SF3A3: variants seen among roughly 807,000 people sequenced by gnomAD.
SF3A3 encodes splicing factor 3a subunit 3.
Under a neutral mutation model 85.8 loss-of-function variants are expected in SF3A3, and 9 were observed. That is an observed-to-expected ratio of 0.10 (90% confidence interval 0.06 to 0.18). The LOEUF is 0.18. Among genes scored for constraint, SF3A3 ranks in the 10% least tolerant of loss-of-function variants. The probability of loss-of-function intolerance (pLI) is 1.00; values close to 1 mark genes in which losing one functional copy is unlikely to be tolerated. For missense variants in SF3A3, 306 were observed against 593.3 expected, an observed-to-expected ratio of 0.52 and a Z score of 5.03; for synonymous variants, 195 against 204.4, an observed-to-expected ratio of 0.95 and a Z score of 0.39.
intron 15 of SF3A3, among the ~76,000 whole-genome samples, chr1:37,961,953 T>G (rs1376180776): frequency 6.6e-6 from 1 of 150,382 alleles, no homozygotes; most frequent in Non-Finnish European, 1.5e-5. Context: ...GGTGTGGTGG[T>G]GCATGCCTGT....
chr1:37,989,115 A>G (rs1344708105), intron 2 of SF3A3, among the ~76,000 whole-genome samples: 2 of 151,758 alleles, frequency 1.3e-5, no homozygotes, highest in Non-Finnish European at 2.9e-5. Context: ...CATGTTTAGT[A>G]GAAACTCCGT....
At position 37,989,914 on chromosome 1, in the gene SF3A3, G is replaced by T; in HGVS notation, c.52C>A (p.Leu18Ile). The change falls in exon 1 of 17, where the codon CTC becomes ATC. Residue 18 changes from leucine (L) to isoleucine (I), a missense_variant. Leu to Ile is a conservative substitution (Grantham distance 5). Transcript: ENST00000373019. ...QRRYHEEKER[L>I]MDVMAKEMLT... is the part of the protein sequence containing the mutation. The stretch of plus-strand genomic sequence containing the variant: ...ATCTCTTTAGCCATGACGTCCATGA[G>T]CCGTTCCTTCTCCTCATGATAGCGC... 1 of 1,613,716 alleles carries T rather than the reference G, an allele frequency of 6.2e-7. No homozygotes were observed.
At chr1:37,975,882 C>G (rs189173580) in intron 12 of SF3A3, among the ~76,000 whole-genome samples, 6 of 152,106 alleles carry the variant, frequency 3.9e-5, no homozygotes, top group African/African-American at 1.4e-4. Context: ...TTGGGCTGGG[C>G]GCGGTGGCTC....
chr1:37,987,896 A>C (rs1646467141), intron 2 of SF3A3, 60 bp from the exon 3 acceptor site: 1 of 1,397,088 alleles, frequency 7.2e-7, no homozygotes. Context: ...AGAGCTAAGC[A>C]AACAACAAGG....
At chr1:37,983,110 GTAT>G (rs1646431199) in intron 6 of SF3A3, among the ~76,000 whole-genome samples, 1 of 151,338 alleles carries the variant, frequency 6.6e-6, no homozygotes, top group Admixed American at 6.6e-5. Flanking sequence ...AGCTAATTTT[GTAT>G]TTTTAGTAGA....
In SF3A3 at chr1:37,979,585, G is replaced by A. The variant is rs777472247; in HGVS notation, c.691-52C>T. 14 of 1,404,786 alleles carry A rather than the reference G, an allele frequency of 1.0e-5. No individual in the cohort carries two copies. The East Asian group carries it at 1.4e-4, about 14-fold the overall frequency. 87.0% of individuals were successfully genotyped at this position (1,404,786 alleles called of 1,614,324 possible). ...AAGATCCAGGTTTAGGCCAGGTGTG[G>A]TGGCTCACACCTGTAATCTCAGCAT... On this transcript the variant is annotated intron_variant, in intron 8 of 16. Transcript: ENST00000373019.
At chr1:37,965,817 T>TAAC (rs1167028605) in intron 15 of SF3A3, among the ~76,000 whole-genome samples, 2 of 104,678 alleles carry the variant, frequency 1.9e-5, no homozygotes, top group African/African-American at 3.8e-5. Flanking sequence ...GCCTGTAATT[T>TAAC]AACAGTGGGG....
chr1:37,978,879 G>T, intron 10 of SF3A3, 52 bp from the exon 11 acceptor site: 1 of 1,566,062 alleles, frequency 6.4e-7, no homozygotes. Flanking sequence ...CACACAGGCT[G>T]GCTTATTTTT....
At chr1:37,984,068 C>T in intron 6 of SF3A3, 101 bp downstream of exon 6, 1 of 580,154 alleles carries the variant, frequency 1.7e-6, no homozygotes, top group Non-Finnish European at 3.1e-6. Flanking sequence ...TTTTAAAACA[C>T]AAGGAAGACA....
chr1:37,959,923 A>C (rs1008477965), intron 16 of SF3A3, among the ~76,000 whole-genome samples, 197 bp downstream of exon 16: 1 of 142,282 alleles, frequency 7.0e-6, no homozygotes. Context: ...GCACCACTGC[A>C]CTCCAGCCCG....
chr1:37,972,826 A>C (rs559721755), intron 12 of SF3A3, among the ~76,000 whole-genome samples: 2 of 152,232 alleles, frequency 1.3e-5, no homozygotes, highest in Non-Finnish European at 2.9e-5. Context: ...ACATATGTAG[A>C]AAGCTGAAAC....
chr1:37,975,017 A>G (rs1012945206), intron 12 of SF3A3, among the ~76,000 whole-genome samples: 1 of 152,156 alleles, frequency 6.6e-6, no homozygotes, highest in African/African-American at 2.4e-5. Flanking sequence ...CTAACCACAA[A>G]ATGAGTTTCT....
At position 37,958,157 on chromosome 1, in the gene SF3A3, G is replaced by A. The variant is rs748991490; in HGVS notation, c.*29C>T. 3 of 1,470,398 alleles carry A rather than the reference G, an allele frequency of 2.0e-6. No individual in the cohort carries two copies. The South Asian group carries it at 3.4e-5, about 17-fold the overall frequency. The allele number at this position is 1,470,398 out of a possible 1,614,324, so 91.1% of individuals were successfully genotyped here. A position where few individuals can be genotyped will look rare whatever the true frequency, so the allele number is the denominator to read the frequency against. ...GCAGATCTTAGGGAAGCCTGGGCTA[G>A]CCCAAAAGCTGAGCTACATCCCTGA... On this transcript the variant is annotated 3_prime_UTR_variant, in exon 17 of 17. Transcript: ENST00000373019.
intron 2 of SF3A3, among the ~76,000 whole-genome samples, chr1:37,988,635 CAGAAGGTCCA>C (rs1267548407): frequency 1.3e-5 from 2 of 152,126 alleles, no homozygotes; most frequent in Non-Finnish European, 2.9e-5. Flanking sequence ...TCCTGCAAAT[CAGAAGGTCCA>C]AGTAGGTCTT....
At chr1:37,978,857 G>T in intron 10 of SF3A3, 30 bp from the exon 11 acceptor site, 1 of 1,569,610 alleles carries the variant, frequency 6.4e-7, no homozygotes, top group East Asian at 2.3e-5. Flanking sequence ...AAGGATTTTA[G>T]GGTTACTTTA....
At chr1:37,975,820 C>T (rs1422417422) in intron 12 of SF3A3, among the ~76,000 whole-genome samples, 1 of 152,208 alleles carries the variant, frequency 6.6e-6, no homozygotes, top group Non-Finnish European at 1.5e-5. Flanking sequence ...GAGCCATCCA[C>T]TCAACGGACC....
At chr1:37,978,356 A>G (rs1402443776) in intron 11 of SF3A3, among the ~76,000 whole-genome samples, 1 of 152,056 alleles carries the variant, frequency 6.6e-6, no homozygotes, top group East Asian at 1.9e-4. Flanking sequence ...AAAAAAGAAA[A>G]AAGAAAATAC....
chr1:37,977,733 GGA>G (rs1308603127), intron 11 of SF3A3, among the ~76,000 whole-genome samples: 1 of 152,076 alleles, frequency 6.6e-6, no homozygotes, highest in East Asian at 1.9e-4. Context: ...CAGCTACTCG[GGA>G]GAGTGAGGCA....
At chr1:37,974,399 T>C (rs1570462365) in intron 12 of SF3A3, among the ~76,000 whole-genome samples, 1 of 148,754 alleles carries the variant, frequency 6.7e-6, no homozygotes, top group Admixed American at 6.9e-5. Flanking sequence ...GCCTCCTGGG[T>C]TCATGCCATT....
Sources: gnomAD v4.1 joint callset for allele counts (sites outside exome capture counted in the v4.1 genomes callset) on GRCh38, gnomAD v4.1.1 for gene constraint, MANE v1.5 for transcripts, NCBI Gene and HGNC (gene_info 2026-07-23, HGNC 2026-07-21) for gene names.